The following EYA3 variants were observed in gnomAD, a reference collection of about 807,000 sequenced individuals.
The protein encoded by EYA3 is protein phosphatase EYA3.
A neutral mutation model predicts 80.0 loss-of-function variants in EYA3; 39 were observed. That is an observed-to-expected ratio of 0.49 (90% confidence interval 0.38 to 0.64). The LOEUF is 0.64. EYA3 is among the 30% of genes least tolerant of loss of function. The pLI, the probability that EYA3 is intolerant of heterozygous loss-of-function variation, is 0.00. For synonymous variants in EYA3, 206 were observed against 232.8 expected (o/e 0.88, Z 1.05); for missense variants, 523 against 676.1 (o/e 0.77, Z 2.51).
At chr1:28,059,381 T>C (rs542924508) in intron 1 of EYA3, among the ~76,000 whole-genome samples, 1 of 152,334 alleles carries the variant, frequency 6.6e-6, no homozygotes, top group South Asian at 2.1e-4. Context: ...GTTCTCCTAC[T>C]ACATGACACA....
chr1:27,985,696 C>T (rs1421850458), intron 16 of EYA3, among the ~76,000 whole-genome samples: 1 of 152,170 alleles, frequency 6.6e-6, no homozygotes, highest in Non-Finnish European at 1.5e-5. Context: ...ATGCTCCTGC[C>T]TCAGCCTCCC....
intron 6 of EYA3, among the ~76,000 whole-genome samples, chr1:28,028,500 A>G (rs1642920392): frequency 6.6e-6 from 1 of 152,174 alleles, no homozygotes; most frequent in Non-Finnish European, 1.5e-5. Context: ...GAAAAAAAAT[A>G]CAGTCATATA....
chr1:28,041,479 G>C (rs549537930), intron 4 of EYA3, among the ~76,000 whole-genome samples: 141 of 152,206 alleles, frequency 9.3e-4, no homozygotes, highest in Non-Finnish European at 1.0e-3. Flanking sequence ...CTTGAACCCG[G>C]GAGGCGGAGG....
rs376692327 is a variant in EYA3, at chr1:28,000,296, G to C, written c.994-247C>G. On this transcript the variant is annotated intron_variant, in intron 11 of 17. Transcript: ENST00000373871. ...TTAGTAGTTTCATAAAGATAAATGAGGACAGAAAATATGATTTTTTTTTTC... is the reference window on the plus strand; with the variant it reads ...TTAGTAGTTTCATAAAGATAAATGACGACAGAAAATATGATTTTTTTTTTC... Among the ~76,000 whole-genome samples the C allele has an allele frequency of 4.3e-4, 66 of 152,196 alleles. 3 individuals carry two copies. In the South Asian group the frequency reaches 1.0e-2, roughly 23 times the overall value.
intron 1 of EYA3, among the ~76,000 whole-genome samples, chr1:28,062,660 G>A (rs944387103): frequency 1.5e-5 from 2 of 134,766 alleles, no homozygotes; most frequent in African/African-American, 5.9e-5. Flanking sequence ...ATATGTAGGT[G>A]TGTGTGTGTG....
chr1:27,978,548 A>T, intron 16 of EYA3, 74 bp from the exon 17 acceptor site: 1 of 1,255,984 alleles, frequency 8.0e-7, no homozygotes, highest in Admixed American at 1.7e-5. Context: ...GGCTGCTGCT[A>T]GGTTCACCTG....
rs1348454227 is a variant in EYA3 at position 28,035,596 on chromosome 1, T to C, written c.309A>G (p.Gln103=). 4 of 1,613,752 alleles carry C rather than the reference T, an allele frequency of 2.5e-6. No homozygotes were observed. The African/African-American group carries it at 4.0e-5, about 16-fold the overall frequency. Residue 103 remains glutamine (Q), a synonymous_variant, in exon 6 of 18, where the codon CAA becomes CAG. Transcript: ENST00000373871. ...TTGCCTGAGGGTAGACAGCATAGGG[T>C]TGAGTCTGCTGTAGTGTCTGGTATT... The part of the protein sequence containing the change: ...QTQYQTLQQT[Q]PYAVYPQATQ...
At chr1:28,045,057 C>T (rs1303780586) in intron 3 of EYA3, among the ~76,000 whole-genome samples, 1 of 152,158 alleles carries the variant, frequency 6.6e-6, no homozygotes, top group East Asian at 1.9e-4. Flanking sequence ...AGGTGTGAGC[C>T]ACAGTGTCCA....
chr1:28,033,935 C>CT (rs1404891237), intron 6 of EYA3, among the ~76,000 whole-genome samples: 3 of 151,590 alleles, frequency 2.0e-5, no homozygotes, highest in African/African-American at 7.3e-5. Flanking sequence ...TGGCTCATGC[C>CT]TGTAATCCCA....
At chr1:28,012,354 G>GT (rs1291856796) in intron 9 of EYA3, among the ~76,000 whole-genome samples, 3 of 152,162 alleles carry the variant, frequency 2.0e-5, no homozygotes, top group Non-Finnish European at 4.4e-5. Flanking sequence ...TCAAATTTAT[G>GT]TAAGTTTGAA....
chr1:28,021,965 G>C (rs760793633), intron 7 of EYA3, among the ~76,000 whole-genome samples: 18 of 151,976 alleles, frequency 1.2e-4, no homozygotes, highest in Non-Finnish European at 1.9e-4. Flanking sequence ...CTCTCATTAT[G>C]TGACTAATAT....
intron 2 of EYA3, among the ~76,000 whole-genome samples, chr1:28,051,702 C>A (rs1317100172): frequency 6.6e-5 from 10 of 151,428 alleles, no homozygotes; most frequent in African/African-American, 2.4e-4. Context: ...AACAAACAAA[C>A]AAAAAAACTT....
chr1:28,009,003 G>A lies in EYA3; in HGVS notation c.909+1944C>T, dbSNP rs1019644819. ...AAAATGGGAAATAACAAGTGTTGGC[G>A]AGGATGTGAACAAACTGGAACCTTT... On this transcript the variant is annotated intron_variant, in intron 10 of 17. Transcript: ENST00000373871. The surrounding 1 kb of genome is among the most constrained non-coding windows in gnomAD (Gnocchi z 4.8). Among the ~76,000 whole-genome samples, 1 of 152,202 alleles carries A rather than the reference G, an allele frequency of 6.6e-6. No homozygotes were observed. The highest frequency in any genetic ancestry group is 2.4e-5 in the African/African-American group (1 of 41,462).
chr1:28,042,539 C>T, intron 4 of EYA3, 32 bp downstream of exon 4: 1 of 1,577,572 alleles, frequency 6.3e-7, no homozygotes, highest in South Asian at 1.1e-5. Flanking sequence ...ATAGGAATAT[C>T]TGTTCAATCA....
intron 1 of EYA3, among the ~76,000 whole-genome samples, chr1:28,064,677 A>G (rs1644767374): frequency 6.6e-6 from 1 of 151,920 alleles, no homozygotes. Flanking sequence ...TTAAGACATG[A>G]GGGTCTTATT....
intron 11 of EYA3, among the ~76,000 whole-genome samples, chr1:28,003,436 T>G (rs1409346715): frequency 6.6e-6 from 1 of 152,022 alleles, no homozygotes; most frequent in African/African-American, 2.4e-5. Context: ...GCTACTGTAC[T>G]CCAGCCTGGG....
chr1:28,031,713 T>G (rs1271686645), intron 6 of EYA3, among the ~76,000 whole-genome samples: 1 of 152,254 alleles, frequency 6.6e-6, no homozygotes, highest in African/African-American at 2.4e-5. Flanking sequence ...TTTGGCTTGT[T>G]GATTCAGCAG....
chr1:28,013,412 CT>C lies in EYA3; in HGVS notation c.586-119del. ...TTATTTTTCTAAAACATTAATTTGA[CT>C]TCTCATTTACCTACCTAAAAGTCTC... On this transcript the variant is annotated intron_variant, in intron 8 of 17. Coordinates refer to ENST00000373871, the MANE Select transcript of EYA3 (RefSeq NM_001990.4). This position sits in a 1 kb window ranked among gnomAD's most constrained non-coding sequence, Gnocchi z 4.0. 1.1e-6 allele frequency: 1 copy of C among 936,508 alleles called. No individual in the cohort carries two copies. The highest frequency in any genetic ancestry group is 1.5e-6 in the Non-Finnish European group (1 of 654,560). 58.0% of individuals were successfully genotyped at this position (936,508 alleles called of 1,614,324 possible).
intron 10 of EYA3, among the ~76,000 whole-genome samples, chr1:28,008,910 C>T (rs1448753963): frequency 6.6e-6 from 1 of 152,132 alleles, no homozygotes; most frequent in Non-Finnish European, 1.5e-5. Context: ...TGCCACTGCA[C>T]TAGGGAAATG....
Sources: gnomAD v4.1 joint callset for allele counts (sites outside exome capture counted in the v4.1 genomes callset) on GRCh38, gnomAD v4.1.1 for gene constraint, Gnocchi (gnomAD v3.1) non-coding constraint, MANE v1.5 for transcripts, NCBI Gene and HGNC (gene_info 2026-07-23, HGNC 2026-07-21) for gene names.